KCNK9: variants seen among roughly 807,000 people sequenced by gnomAD.
KCNK9 encodes potassium channel subfamily K member 9.
A neutral mutation model predicts 10.8 loss-of-function variants in KCNK9; 1 was observed. The ratio of observed to expected loss-of-function variants is 0.09; its 90% CI spans 0.03 to 0.44. KCNK9 has a LOEUF of 0.44. KCNK9 is among the 20% of genes least tolerant of loss of function. The pLI, the probability that KCNK9 is intolerant of heterozygous loss-of-function variation, is 0.97. For missense variants in KCNK9, 303 were observed against 515.0 expected (o/e 0.59, Z 3.98); for synonymous variants, 231 against 222.7 (o/e 1.04, Z -0.33).
Position 139,624,690 on chromosome 8 carries a change from G to A in KCNK9, c.284-5591C>T, listed in dbSNP as rs112471854. ...CCCCTCGAGTGGCAGCCCCACCCAG[G>A]GGTCTGGAGCATCCTAGGTCACCTG... is the stretch of plus-strand genomic sequence containing the variant. On this transcript the variant is annotated intron_variant, in intron 1 of 1. Transcript: ENST00000520439. Among the ~76,000 whole-genome samples the A allele has an allele frequency of 2.0e-3, 307 of 152,234 alleles. 1 individual carries two copies. The highest frequency in any genetic ancestry group is 7.2e-3 in the African/African-American group (301 of 41,538).
chr8:139,680,986 C>G (rs1034834086), intron 1 of KCNK9, among the ~76,000 whole-genome samples: 2 of 152,206 alleles, frequency 1.3e-5, no homozygotes, highest in Non-Finnish European at 2.9e-5. Flanking sequence ...GTAACCGTCT[C>G]CTCAAGCACA....
chr8:139,641,901 G>T (rs1304723333), intron 1 of KCNK9, among the ~76,000 whole-genome samples: 2 of 152,182 alleles, frequency 1.3e-5, no homozygotes, highest in Non-Finnish European at 2.9e-5. Context: ...TGGAAGGGCT[G>T]CCTGGCTGGC....
At chr8:139,656,324 CTT>C (rs1383124817) in intron 1 of KCNK9, among the ~76,000 whole-genome samples, 1 of 152,336 alleles carries the variant, frequency 6.6e-6, no homozygotes, top group Admixed American at 6.5e-5. Flanking sequence ...GCCACTAACT[CTT>C]TGGCCCCTCC....
rs1554627082 is a variant in KCNK9, at chr8:139,687,672, A to ATACATATATATTCATATGTATAC, written c.283+15015_283+15037dup. Reference sequence around the variant, plus strand: ...TATATATTCATATGTATACATATGTATACATATATATTCATATGTATACAT... The same window carrying ATACATATATATTCATATGTATAC: ...TATATATTCATATGTATACATATGTATACATATATATTCATATGTATACTACATATATATTCATATGTATACAT... On this transcript the variant is annotated intron_variant, in intron 1 of 1. Transcript: ENST00000520439. Among the ~76,000 whole-genome samples, 56 of 100,980 alleles carry ATACATATATATTCATATGTATAC rather than the reference A, an allele frequency of 5.5e-4. 1 individual carries two copies. The highest frequency in any genetic ancestry group is 1.3e-3 in the African/African-American group (37 of 27,968). The allele number at this position is 100,980 out of a possible 152,430, so 66.2% of individuals were successfully genotyped here.
intron 1 of KCNK9, among the ~76,000 whole-genome samples, chr8:139,682,211 A>G (rs1038811166): frequency 2.0e-5 from 3 of 152,210 alleles, no homozygotes; most frequent in African/African-American, 4.8e-5. Context: ...AATATTCTAG[A>G]ACAGTTAAAT....
At chr8:139,632,760 C>T (rs971296130) in intron 1 of KCNK9, among the ~76,000 whole-genome samples, 2 of 152,146 alleles carry the variant, frequency 1.3e-5, no homozygotes, top group African/African-American at 2.4e-5. Context: ...TTCTGAGTGA[C>T]CAGCTAGAGC....
intron 1 of KCNK9, among the ~76,000 whole-genome samples, chr8:139,653,152 G>A (rs1815919173): frequency 6.6e-6 from 1 of 152,198 alleles, no homozygotes; most frequent in Non-Finnish European, 1.5e-5. Context: ...GGCTGAAGAA[G>A]CATCACGGAT....
intron 1 of KCNK9, among the ~76,000 whole-genome samples, chr8:139,668,173 G>A (rs141788004): frequency 6.6e-6 from 1 of 152,106 alleles, no homozygotes; most frequent in Non-Finnish European, 1.5e-5. Context: ...CATTTGCTGA[G>A]GAATGTTTTG....
chr8:139,605,259 G>C (rs577971633), intron 2 of KCNK9, among the ~76,000 whole-genome samples: 18 of 152,292 alleles, frequency 1.2e-4, no homozygotes, highest in African/African-American at 4.1e-4. Context: ...ATCCGGTCTC[G>C]GTTCAGTTGA....
chr8:139,626,385 C>A (rs1225210497), intron 1 of KCNK9, among the ~76,000 whole-genome samples: 1 of 152,208 alleles, frequency 6.6e-6, no homozygotes, highest in African/African-American at 2.4e-5. Flanking sequence ...CTTGGGAATG[C>A]CCAGGCCATT....
At chr8:139,608,101 A>G (rs936068184), downstream of KCNK9, among the ~76,000 whole-genome samples, 2 of 152,200 alleles carry the variant, frequency 1.3e-5, no homozygotes, top group African/African-American at 4.8e-5. Flanking sequence ...GAAATCAAGC[A>G]CTGCTCTCTG....
chr8:139,631,059 ACT>A (rs1815156473), intron 1 of KCNK9, among the ~76,000 whole-genome samples: 1 of 152,036 alleles, frequency 6.6e-6, no homozygotes, highest in Admixed American at 6.5e-5. Flanking sequence ...TCTGGCGGGC[ACT>A]CGGGCGACTG....
At chr8:139,631,097 T>TC (rs1031729130) in intron 1 of KCNK9, among the ~76,000 whole-genome samples, 2 of 151,998 alleles carry the variant, frequency 1.3e-5, no homozygotes, top group African/African-American at 4.8e-5. Flanking sequence ...GGGTGCGGGG[T>TC]CGGCCGCCCA....
chr8:139,696,733 A>C (rs1046795586), intron 1 of KCNK9, among the ~76,000 whole-genome samples: 1 of 144,254 alleles, frequency 6.9e-6, no homozygotes, highest in African/African-American at 2.6e-5. Context: ...GTGGGTGAAT[A>C]GATGAGTGGG....
In KCNK9 at chr8:139,633,805, C is replaced by A. The variant is rs550239817; in HGVS notation, c.284-14706G>T. On this transcript the variant is annotated intron_variant, in intron 1 of 1. Coordinates refer to ENST00000520439, the MANE Select transcript of KCNK9 (RefSeq NM_001282534.2). ...CTAGACAACCAACACCACACAGGGC[C>A]TTCCCCCGAGGCCTGCTGCGAGCGT... Among the ~76,000 whole-genome samples, 19 of 152,352 alleles carry A rather than the reference C, an allele frequency of 1.2e-4. No homozygotes were observed. In the South Asian group the frequency reaches 3.9e-3, roughly 32 times the overall value.
rs1281350470 is a variant in KCNK9 at position 139,702,411 on chromosome 8, C to T, written c.283+299G>A. ...TGCTATGGGATTATTCTTAGCGCTC[C>T]ACTCTCTTCGCAAAAGTGGCGCCTC... On this transcript the variant is annotated intron_variant, in intron 1 of 1. Transcript: ENST00000520439. This position sits in a 1 kb window ranked among gnomAD's most constrained non-coding sequence, Gnocchi z 7.5. Among the ~76,000 whole-genome samples, 1 of 152,086 alleles carries T rather than the reference C, an allele frequency of 6.6e-6. No individual in the cohort carries two copies. The highest frequency in any genetic ancestry group is 2.4e-5 in the African/African-American group (1 of 41,416).
At chr8:139,658,462 CG>C (rs1468019479) in intron 1 of KCNK9, among the ~76,000 whole-genome samples, 1 of 152,210 alleles carries the variant, frequency 6.6e-6, no homozygotes, top group Non-Finnish European at 1.5e-5. Flanking sequence ...TCAGGCTACA[CG>C]GGTCACGCCT....
At chr8:139,688,254 A>T (rs566809725) in intron 1 of KCNK9, among the ~76,000 whole-genome samples, 19 of 152,332 alleles carry the variant, frequency 1.2e-4, no homozygotes, top group African/African-American at 4.3e-4. Flanking sequence ...AGGTCCCTTC[A>T]TGACTGTCTT....
At chr8:139,691,550 C>A (rs868016200) in intron 1 of KCNK9, among the ~76,000 whole-genome samples, 1 of 152,140 alleles carries the variant, frequency 6.6e-6, no homozygotes, top group African/African-American at 2.4e-5. Flanking sequence ...AAAGGAGGAT[C>A]TCACAGAATC....
Sources: gnomAD v4.1 joint callset for allele counts (sites outside exome capture counted in the v4.1 genomes callset) on GRCh38, gnomAD v4.1.1 for gene constraint, Gnocchi (gnomAD v3.1) non-coding constraint, MANE v1.5 for transcripts, NCBI Gene and HGNC (gene_info 2026-07-23, HGNC 2026-07-21) for gene names.